Variants in TMEFF1 observed in about 807,000 individuals in gnomAD.
TMEFF1 encodes tomoregulin-1.
In TMEFF1, 20 loss-of-function variants were observed where a neutral mutation model predicts 47.5. The ratio of observed to expected loss-of-function variants is 0.42; its 90% CI spans 0.30 to 0.61. The LOEUF is 0.61. Among genes scored for constraint, TMEFF1 ranks in the 20% least tolerant of loss-of-function variants. TMEFF1 has a pLI of 0.19. For synonymous variants in TMEFF1, 162 were observed against 166.3 expected (o/e 0.97, Z 0.20); for missense variants, 411 against 471.1 (o/e 0.87, Z 1.18).
chr9:100,546,690 A>G (rs1002562716), intron 5 of TMEFF1, among the ~76,000 whole-genome samples: 1 of 152,324 alleles, frequency 6.6e-6, no homozygotes, highest in East Asian at 1.9e-4. Context: ...AATGTATTTA[A>G]GAGAATGTTT....
At chr9:100,490,643 T>C (rs1248246643) in intron 1 of TMEFF1, among the ~76,000 whole-genome samples, 5 of 152,018 alleles carry the variant, frequency 3.3e-5, no homozygotes, top group African/African-American at 9.7e-5. Context: ...TCTAAACTTA[T>C]GCTTCGTCTG....
chr9:100,490,882 T>C (rs1255927007), intron 1 of TMEFF1, among the ~76,000 whole-genome samples: 3 of 151,398 alleles, frequency 2.0e-5, no homozygotes, highest in Non-Finnish European at 4.4e-5. Flanking sequence ...TATGTGTGTA[T>C]GTGTGTATGT....
At chr9:100,474,892 A>G (rs1837193009) in intron 1 of TMEFF1, among the ~76,000 whole-genome samples, 2 of 152,092 alleles carry the variant, frequency 1.3e-5, no homozygotes, top group African/African-American at 4.8e-5. Context: ...CTTCATTTCT[A>G]AAGGGGTCCC....
At chr9:100,535,248 C>A (rs566072984) in intron 5 of TMEFF1, among the ~76,000 whole-genome samples, 4 of 152,248 alleles carry the variant, frequency 2.6e-5, no homozygotes, top group African/African-American at 9.6e-5. Flanking sequence ...ATTACTTCTT[C>A]ATTTTCTTCA....
chr9:100,510,073 C>G (rs1403745352), intron 3 of TMEFF1, among the ~76,000 whole-genome samples: 1 of 152,138 alleles, frequency 6.6e-6, no homozygotes, highest in Non-Finnish European at 1.5e-5. Context: ...CTTTCTTTCC[C>G]TATATATTAC....
chr9:100,570,456 G>C (rs1385180202), intron 8 of TMEFF1, among the ~76,000 whole-genome samples: 3 of 152,014 alleles, frequency 2.0e-5, no homozygotes, highest in African/African-American at 7.2e-5. Flanking sequence ...GGCAATTTTT[G>C]TGTATGACAC....
At chr9:100,506,716 G>A (rs1328741111) in intron 2 of TMEFF1, among the ~76,000 whole-genome samples, 2 of 141,242 alleles carry the variant, frequency 1.4e-5, no homozygotes, top group Non-Finnish European at 3.0e-5. Flanking sequence ...CCAGTGAGCC[G>A]AGACCATGCC....
intron 1 of TMEFF1, among the ~76,000 whole-genome samples, chr9:100,487,607 T>A (rs1057280440): frequency 9.9e-5 from 15 of 152,200 alleles, no homozygotes; most frequent in Admixed American, 6.5e-4. Context: ...ATTCAATGTT[T>A]TACAACAAAA....
intron 1 of TMEFF1, among the ~76,000 whole-genome samples, chr9:100,480,422 G>A (rs1837319113): frequency 6.6e-6 from 1 of 152,182 alleles, no homozygotes; most frequent in African/African-American, 2.4e-5. Flanking sequence ...GATGAAATAT[G>A]AATACAAAAA....
At chr9:100,486,707 A>C (rs1837456668) in intron 1 of TMEFF1, among the ~76,000 whole-genome samples, 1 of 152,142 alleles carries the variant, frequency 6.6e-6, no homozygotes, top group Non-Finnish European at 1.5e-5. Context: ...ATGATGGCTT[A>C]CTGCAGCCTT....
At chr9:100,509,696 C>T (rs961984423) in intron 3 of TMEFF1, among the ~76,000 whole-genome samples, 1 of 151,706 alleles carries the variant, frequency 6.6e-6, no homozygotes, top group South Asian at 2.1e-4. Context: ...ATGGCGTGAA[C>T]CCAGGAGGTG....
At position 100,534,858 on chromosome 9, in the gene TMEFF1, G is replaced by C. The variant is rs148355949; in HGVS notation, c.561-12886G>C. On this transcript the variant is annotated intron_variant, in intron 5 of 9. Transcript: ENST00000374879. ...TGGTATGGTATTTTGCTATGTTGCT[G>C]TCATTTTCTTCCGTTAACCACCATT... Among the ~76,000 whole-genome samples the C allele has an allele frequency of 6.4e-3, 968 of 152,228 alleles. 5 individuals carry two copies. The highest frequency in any genetic ancestry group is 0.018 in the South Asian group (86 of 4,826).
chr9:100,489,444 G>A (rs1837510839), intron 1 of TMEFF1, among the ~76,000 whole-genome samples: 1 of 152,106 alleles, frequency 6.6e-6, no homozygotes, highest in Non-Finnish European at 1.5e-5. Context: ...TCCTGCCTTG[G>A]CCTCCCAAAG....
chr9:100,546,427 A>T (rs1838733015), intron 5 of TMEFF1, among the ~76,000 whole-genome samples: 4 of 148,870 alleles, frequency 2.7e-5, no homozygotes, highest in Admixed American at 2.7e-4. Flanking sequence ...CCCATAATTC[A>T]ATCCCCCCCC....
chr9:100,516,619 A>G (rs1288623844), intron 4 of TMEFF1, 56 bp from the exon 5 acceptor site: 12 of 1,587,122 alleles, frequency 7.6e-6, no homozygotes, highest in Non-Finnish European at 9.4e-6. Context: ...AACATGAAGC[A>G]TATCTGGAAA....
intron 5 of TMEFF1, among the ~76,000 whole-genome samples, chr9:100,541,326 T>C (rs908128474): frequency 6.6e-6 from 1 of 151,588 alleles, no homozygotes; most frequent in South Asian, 2.1e-4. Context: ...TTAAACCCTA[T>C]CATGGTGGAT....
chr9:100,516,659 T>G lies in TMEFF1; in HGVS notation c.464-16T>G. The G allele has an allele frequency of 6.2e-7, 1 of 1,604,906 alleles. No homozygotes were observed. Among genetic ancestry groups the G allele is most frequent in the African/African-American group, 1.3e-5 (1 of 74,530 alleles). On this transcript the variant is annotated splice_polypyrimidine_tract_variant and intron_variant, in intron 4 of 9. Transcript: ENST00000374879. ...CCCAACTTTTGGTTGTAAATTTGAT[T>G]TTTCTTTTTAAACAGAAGAGGAAGG...
intron 8 of TMEFF1, among the ~76,000 whole-genome samples, chr9:100,566,714 CTTTTTTT>C (rs892188507): frequency 1.3e-5 from 2 of 150,352 alleles, no homozygotes; most frequent in African/African-American, 2.5e-5. Context: ...TTTCTTTTTT[CTTTTTTT>C]TGAGACAGGG....
At chr9:100,540,344 C>G (rs551569592) in intron 5 of TMEFF1, among the ~76,000 whole-genome samples, 2 of 152,344 alleles carry the variant, frequency 1.3e-5, no homozygotes, top group South Asian at 4.1e-4. Flanking sequence ...TCTCCAAGTC[C>G]CCACCCGACC....
Sources: allele counts gnomAD v4.1 joint callset (sites outside exome capture counted in the v4.1 genomes callset), GRCh38; gene constraint gnomAD v4.1.1; transcripts MANE v1.5; gene names NCBI Gene and HGNC (gene_info 2026-07-23, HGNC 2026-07-21).